The following SYNE2 variants were observed in gnomAD, a reference collection of about 807,000 sequenced individuals.
SYNE2 encodes nesprin-2.
SYNE2 carries 431 observed loss-of-function variants against 856.3 expected under a neutral mutation model. The observed-to-expected ratio is 0.50, with a 90% confidence interval of 0.47 to 0.55. SYNE2 has a LOEUF of 0.55. SYNE2 is among the 20% of genes least tolerant of loss of function. The pLI, the probability that SYNE2 is intolerant of heterozygous loss-of-function variation, is 0.00. For synonymous variants in SYNE2, 2,923 were observed against 2,872.3 expected, an observed-to-expected ratio of 1.02 and a Z score of -0.56; for missense variants, 8,129 against 8,023.2, an observed-to-expected ratio of 1.01 and a Z score of -0.50.
chr14:63,897,533 A>G (rs1270228597), intron 1 of SYNE2, among the ~76,000 whole-genome samples: 1 of 152,194 alleles, frequency 6.6e-6, no homozygotes, highest in African/African-American at 2.4e-5. Flanking sequence ...TTGTGTATAC[A>G]TGCACTTTTA....
At chr14:63,851,909 C>T (rs1030109801), upstream of SYNE2, among the ~76,000 whole-genome samples, 1 of 145,848 alleles carries the variant, frequency 6.9e-6, no homozygotes, top group African/African-American at 2.6e-5. Context: ...ACAGCCAAAC[C>T]CCGACTCTAA....
At chr14:63,844,954 A>C (rs1004411692) in intron 1 of SYNE2, among the ~76,000 whole-genome samples, 6 of 152,226 alleles carry the variant, frequency 3.9e-5, no homozygotes, top group Non-Finnish European at 5.9e-5. Context: ...TAAGTATCAG[A>C]TCTTTGGAAA....
At chr14:63,960,762 A>G (rs1318655055) in intron 8 of SYNE2, 1 of 764,350 alleles carries the variant, frequency 1.3e-6, no homozygotes, top group East Asian at 2.4e-5. Context: ...TGCACTTTAC[A>G]GAATTTATAT....
intron 1 of SYNE2, among the ~76,000 whole-genome samples, chr14:63,811,732 CG>C (rs1438996464): frequency 1.3e-5 from 2 of 152,136 alleles, no homozygotes; most frequent in South Asian, 2.1e-4. Context: ...GCTAGGCTTC[CG>C]GGGGTGACAT....
At position 64,076,165 on chromosome 14, in the gene SYNE2, T is replaced by C. The variant is rs1190881786; in HGVS notation, c.11022+65T>C. ...CTGAATGACTATCAGGAGGAAAATA[T>C]CATTTAATGTCAAATTCCATTTGCC... On this transcript the variant is annotated intron_variant, in intron 54 of 115. Coordinates refer to ENST00000555002, the MANE Select transcript of SYNE2 (RefSeq NM_182914.3). The C allele has an allele frequency of 3.9e-6, 6 of 1,545,230 alleles. No homozygotes were observed. The East Asian group carries it at 6.9e-5, about 18-fold the overall frequency.
At chr14:64,133,918 G>C in intron 77 of SYNE2, 151 bp from the exon 78 acceptor site, 1 of 804,158 alleles carries the variant, frequency 1.2e-6, no homozygotes, top group Non-Finnish European at 2.0e-6. Flanking sequence ...GCGCTTACCA[G>C]GGTGGGGTTA....
At chr14:64,215,884 C>T (rs1247497957) in intron 107 of SYNE2, 6 of 1,226,378 alleles carry the variant, frequency 4.9e-6, no homozygotes, top group Non-Finnish European at 6.2e-6. Flanking sequence ...CCTTTTGGTT[C>T]CCAAGTCCAT....
chr14:64,186,171 C>G (rs1165721166), intron 96 of SYNE2, among the ~76,000 whole-genome samples: 2 of 152,134 alleles, frequency 1.3e-5, no homozygotes, highest in East Asian at 3.9e-4. Context: ...AGAATAAATT[C>G]TATCAAAATC....
intron 85 of SYNE2, among the ~76,000 whole-genome samples, chr14:64,156,868 G>A (rs1037142357): frequency 2.6e-5 from 4 of 152,156 alleles, no homozygotes; most frequent in African/African-American, 4.8e-5. Context: ...ACATTTTAGC[G>A]TCCCACTTTG....
At chr14:64,008,514 T>C (rs958083269) in intron 31 of SYNE2, among the ~76,000 whole-genome samples, 3 of 152,236 alleles carry the variant, frequency 2.0e-5, no homozygotes, top group African/African-American at 7.2e-5. Context: ...TCAGTCCCAG[T>C]TGGCAATTCT....
intron 18 of SYNE2, among the ~76,000 whole-genome samples, chr14:63,985,015 A>G (rs553405205): frequency 6.6e-6 from 1 of 152,226 alleles, no homozygotes; most frequent in East Asian, 1.9e-4. Flanking sequence ...AAATAAATAA[A>G]ACAGTGATCT....
chr14:64,065,658 CT>C lies in SYNE2; in HGVS notation c.10431+10del. 1 of 1,613,768 alleles carries C rather than the reference CT, an allele frequency of 6.2e-7. No homozygotes were observed. The highest frequency in any genetic ancestry group is 8.5e-7 in the Non-Finnish European group (1 of 1,179,792). ...AAATTTGTCAGTGAAGAAGTGAGTG[CT>C]TCATTTTCAACAAACCATGTAGTTT... On this transcript the variant is annotated intron_variant, in intron 51 of 115. Transcript: ENST00000555002.
At chr14:63,986,737 G>C (rs1232602355) in intron 19 of SYNE2, 120 bp downstream of exon 19, 2 of 1,150,836 alleles carry the variant, frequency 1.7e-6, no homozygotes, top group African/African-American at 3.1e-5. Context: ...TTTGTTGGGA[G>C]TTTTAAAAAT....
chr14:64,135,378 G>T (rs1200599224), intron 78 of SYNE2, among the ~76,000 whole-genome samples: 12 of 152,114 alleles, frequency 7.9e-5, no homozygotes, highest in Admixed American at 7.9e-4. Flanking sequence ...ATTTTCCAGA[G>T]GCTGGGACAC....
At chr14:63,779,089 G>A (rs1026705198) in intron 1 of SYNE2, among the ~76,000 whole-genome samples, 2 of 152,022 alleles carry the variant, frequency 1.3e-5, no homozygotes, top group African/African-American at 4.8e-5. Flanking sequence ...GGAGGTTGAG[G>A]TGGGTAGATC....
chr14:64,159,647 T>C (rs2098312761), intron 87 of SYNE2, among the ~76,000 whole-genome samples: 1 of 152,160 alleles, frequency 6.6e-6, no homozygotes, highest in Non-Finnish European at 1.5e-5. Flanking sequence ...AAGTGTTTGG[T>C]ATAATTAGTC....
At chr14:63,782,428 A>T (rs1012723619) in intron 1 of SYNE2, among the ~76,000 whole-genome samples, 1 of 133,556 alleles carries the variant, frequency 7.5e-6, no homozygotes, top group Non-Finnish European at 1.5e-5. Context: ...AGATCACACC[A>T]TTGAACACCA....
At position 64,192,002 on chromosome 14, in the gene SYNE2, G is replaced by A. The variant is rs546189376; in HGVS notation, c.18038+1765G>A. ...GATATGTGTCATGCCTTTGGTATGG[G>A]GCCAGCACATATGAGCCAGCATTTA... On this transcript the variant is annotated intron_variant, in intron 99 of 115. Coordinates refer to ENST00000555002, the MANE Select transcript of SYNE2 (RefSeq NM_182914.3). Among the ~76,000 whole-genome samples, 10 of 152,266 alleles carry A rather than the reference G, an allele frequency of 6.6e-5. No individual in the cohort carries two copies. In the South Asian group the frequency reaches 2.1e-3, roughly 32 times the overall value.
Position 64,214,748 on chromosome 14 carries a change from A to ATTTT in SYNE2, c.19333+284_19333+287dup, listed in dbSNP as rs557161128. Among the ~76,000 whole-genome samples, 36 of 151,658 alleles carry ATTTT rather than the reference A, an allele frequency of 2.4e-4. No homozygotes were observed. The South Asian group carries it at 6.9e-3, about 29-fold the overall frequency. ...TGGCTGTCTGGGAGACTCATCAGTG[A>ATTTT]TTTTTTTTTGATACAGGGTCTCACA... On this transcript the variant is annotated intron_variant, in intron 106 of 115. Transcript: ENST00000555002.
Sources: gnomAD v4.1 joint callset for allele counts (sites outside exome capture counted in the v4.1 genomes callset) on GRCh38, gnomAD v4.1.1 for gene constraint, MANE v1.5 for transcripts, NCBI Gene and HGNC (gene_info 2026-07-23, HGNC 2026-07-21) for gene names.